The following BNIP2 variants were observed in gnomAD, a reference collection of about 807,000 sequenced individuals.
The protein encoded by BNIP2 is BCL2 interacting protein 2.
BNIP2 carries 36 observed loss-of-function variants against 43.4 expected under a neutral mutation model. The ratio of observed to expected loss-of-function variants is 0.83; its 90% CI spans 0.64 to 1.10. BNIP2 has a LOEUF of 1.10. BNIP2 is among the 50% of genes least tolerant of loss of function. The pLI, the probability that BNIP2 is intolerant of heterozygous loss-of-function variation, is 0.00. For synonymous variants in BNIP2, 146 were observed against 121.0 expected, an observed-to-expected ratio of 1.21 and a Z score of -1.35; for missense variants, 417 against 374.1, an observed-to-expected ratio of 1.11 and a Z score of -0.95.
chr15:59,678,029 G>A lies in BNIP2; in HGVS notation c.354C>T (p.Tyr118=), dbSNP rs762645198. 8 of 1,613,734 alleles carry A rather than the reference G, an allele frequency of 5.0e-6. No homozygotes were observed. The highest frequency in any genetic ancestry group is 5.1e-6 in the Non-Finnish European group (6 of 1,179,846). The part of the protein sequence containing the change: ...EVIRKGSITE[Y]TAAEEKEDGR... ...CATCTTCTTTTTCCTCTGCTGCTGT[G>A]TATTCAGTAATTGAGCCTTTCCTAA... The change falls in exon 5 of 10, where the codon TAC becomes TAT. Residue 118 remains tyrosine, a synonymous_variant. Transcript: ENST00000607373.
chr15:59,672,609 C>G (rs1412340509), intron 6 of BNIP2, 28 bp downstream of exon 6: 2 of 1,406,380 alleles, frequency 1.4e-6, no homozygotes, highest in Non-Finnish European at 1.9e-6. Context: ...CAATTCTGTC[C>G]AAATGTTTTT....
intron 6 of BNIP2, 147 bp from the exon 7 acceptor site, chr15:59,671,461 C>T (rs528063916): frequency 7.1e-5 from 41 of 575,866 alleles, no homozygotes; most frequent in African/African-American, 5.4e-4. Context: ...GCTAGTATTA[C>T]GATTATCTTA....
intron 6 of BNIP2, among the ~76,000 whole-genome samples, chr15:59,672,075 C>G (rs1892967543): frequency 6.6e-6 from 1 of 152,122 alleles, no homozygotes; most frequent in Non-Finnish European, 1.5e-5. Context: ...AACTCCATCT[C>G]AAAACAAAAC....
Position 59,669,096 on chromosome 15 carries a change from A to C in BNIP2, c.795-106T>G, listed in dbSNP as rs543382587. The C allele has an allele frequency of 1.1e-5, 13 of 1,165,326 alleles. No homozygotes were observed. In the African/African-American group the frequency reaches 2.0e-4, roughly 18 times the overall value. The allele number at this position is 1,165,326 out of a possible 1,614,324, so 72.2% of individuals were successfully genotyped here. On this transcript the variant is annotated intron_variant, in intron 8 of 9. Coordinates refer to ENST00000607373, the MANE Select transcript of BNIP2 (RefSeq NM_004330.4). ...TGTCATTTTGAATGTTCAAAACACA[A>C]AAAGATGATAAATGTCTGAGGTGAT...
At chr15:59,669,486 G>A in intron 7 of BNIP2, 124 bp from the exon 8 acceptor site, 1 of 598,668 alleles carries the variant, frequency 1.7e-6, no homozygotes, top group Non-Finnish European at 2.8e-6. Context: ...AATTAGGTGT[G>A]ATACCCCTGT....
In BNIP2 at chr15:59,664,276, C is replaced by G. The variant is rs549374458; in HGVS notation, c.894-156G>C. On this transcript the variant is annotated intron_variant, in intron 9 of 9. Coordinates refer to ENST00000607373, the MANE Select transcript of BNIP2 (RefSeq NM_004330.4). Reference sequence around the variant, plus strand: ...AAACAGTTACCAAACATCATTTCCCCAACCAGAAAAGAGAATTTTTAAAGG... The same window carrying G: ...AAACAGTTACCAAACATCATTTCCCGAACCAGAAAAGAGAATTTTTAAAGG... Among the ~76,000 whole-genome samples the G allele has an allele frequency of 1.6e-4, 25 of 152,276 alleles. 1 individual carries two copies. In the South Asian group the frequency reaches 5.2e-3, roughly 32 times the overall value.
In BNIP2 at chr15:59,661,134, G is replaced by C. The variant is rs1892240987; in HGVS notation, c.*2935C>G. ...GCAGATCATGAGGTCAGGAGTTCGA[G>C]ACCAGCCTAGCATGGCGAAACCCCG... is the stretch of plus-strand genomic sequence containing the variant. On this transcript the variant is annotated 3_prime_UTR_variant, in exon 10 of 10. Coordinates refer to ENST00000607373, the MANE Select transcript of BNIP2 (RefSeq NM_004330.4). 1.3e-5 allele frequency: 2 copies of C among 152,138 alleles called. No homozygotes were observed. Among genetic ancestry groups the C allele is most frequent in the Admixed American group, 6.6e-5 (1 of 15,256 alleles). The allele number at this position is 152,138 out of a possible 1,614,324, so 9.4% of individuals were successfully genotyped here.
intron 1 of BNIP2, among the ~76,000 whole-genome samples, chr15:59,685,464 G>C (rs1893954500): frequency 1.3e-5 from 2 of 152,166 alleles, no homozygotes; most frequent in African/African-American, 2.4e-5. Flanking sequence ...TTGCACCACT[G>C]CACTACAGCC....
intron 1 of BNIP2, among the ~76,000 whole-genome samples, chr15:59,683,437 T>G (rs573988638): frequency 3.6e-4 from 55 of 152,328 alleles, no homozygotes; most frequent in African/African-American, 1.3e-3. Flanking sequence ...AGCAGTAACA[T>G]ATTTCTGTTC....
Position 59,678,260 on chromosome 15 carries a change from T to G in BNIP2, c.296-173A>C, listed in dbSNP as rs553757673. On this transcript the variant is annotated intron_variant, in intron 4 of 9. Transcript: ENST00000607373. ...GGCTTATTCTTAACATGAGGCTGTT[T>G]TATGTCTTTGGAAATCATGGTTCTT... is the stretch of plus-strand genomic sequence containing the variant. The G allele has an allele frequency of 7.8e-5, 105 of 1,345,454 alleles. 1 individual carries two copies. In the East Asian group the frequency reaches 1.6e-3, roughly 21 times the overall value. The allele number at this position is 1,345,454 out of a possible 1,614,324, so 83.3% of individuals were successfully genotyped here.
chr15:59,668,706 C>A, intron 9 of BNIP2, 186 bp downstream of exon 9: 1 of 509,442 alleles, frequency 2.0e-6, no homozygotes, highest in Non-Finnish European at 3.5e-6. Context: ...GAAGAAAATG[C>A]TAACTTAGGG....
intron 9 of BNIP2, chr15:59,668,125 TTTC>T: frequency 7.7e-7 from 1 of 1,296,238 alleles, no homozygotes; most frequent in Non-Finnish European, 1.0e-6. Context: ...TTTTTAAACT[TTTC>T]TTCTTCATAC....
At chr15:59,682,258 C>G (rs1178168789) in intron 2 of BNIP2, 150 bp downstream of exon 2, 2 of 570,900 alleles carry the variant, frequency 3.5e-6, no homozygotes, top group Non-Finnish European at 6.0e-6. Context: ...ATCCAGGAGG[C>G]GGAGGTTGCA....
chr15:59,688,717 G>A, intron 1 of BNIP2: 1 of 1,535,530 alleles, frequency 6.5e-7, no homozygotes, highest in East Asian at 2.4e-5. Context: ...TATTCCCCGC[G>A]GTTACGAGGC....
At chr15:59,688,938 A>G (rs1354876188) in intron 1 of BNIP2, 197 bp downstream of exon 1, 2 of 1,451,712 alleles carry the variant, frequency 1.4e-6, no homozygotes, top group East Asian at 5.0e-5. Flanking sequence ...ACCCAAGCCA[A>G]GGGCGGGGAC....
chr15:59,681,965 G>C (rs552598076), intron 2 of BNIP2, among the ~76,000 whole-genome samples: 1 of 150,018 alleles, frequency 6.7e-6, no homozygotes, highest in East Asian at 2.0e-4. Flanking sequence ...AGATACAAGA[G>C]AATCAATCTA....
intron 1 of BNIP2, chr15:59,688,900 G>T: frequency 6.8e-7 from 1 of 1,472,444 alleles, no homozygotes; most frequent in South Asian, 1.4e-5. Flanking sequence ...CGACGGGGTG[G>T]GGGGCCAAAC....
intron 5 of BNIP2, chr15:59,677,230 G>T: frequency 6.3e-7 from 1 of 1,596,294 alleles, no homozygotes; most frequent in Non-Finnish European, 8.6e-7. Context: ...GTCTTCCAGA[G>T]TGCCAAGCCC....
At chr15:59,675,741 A>C (rs1893242280) in intron 5 of BNIP2, among the ~76,000 whole-genome samples, 1 of 152,256 alleles carries the variant, frequency 6.6e-6, no homozygotes, top group African/African-American at 2.4e-5. Flanking sequence ...AAAACGGATA[A>C]GCAAATTATG....
Sources: gnomAD v4.1 joint callset for allele counts (sites outside exome capture counted in the v4.1 genomes callset) on GRCh38, gnomAD v4.1.1 for gene constraint, MANE v1.5 for transcripts, NCBI Gene and HGNC (gene_info 2026-07-23, HGNC 2026-07-21) for gene names.